The following ADGRG6 variants were observed in gnomAD, a reference collection of about 807,000 sequenced individuals.
ADGRG6 encodes adhesion G protein-coupled receptor G6.
Under a neutral mutation model 142.4 loss-of-function variants are expected in ADGRG6, and 84 were observed. The observed-to-expected ratio is 0.59, with a 90% confidence interval of 0.49 to 0.71. The LOEUF (loss-of-function observed/expected upper bound fraction) is 0.71. Among genes scored for constraint, ADGRG6 ranks in the 30% least tolerant of loss-of-function variants. The pLI is 0.00. For synonymous variants in ADGRG6, 521 were observed against 520.5 expected (o/e 1.00, Z -0.01); for missense variants, 1,367 against 1,466.6 (o/e 0.93, Z 1.11).
chr6:142,403,302 T>G (rs1329707), intron 13 of ADGRG6, among the ~76,000 whole-genome samples: 1 of 151,934 alleles, frequency 6.6e-6, no homozygotes, highest in Non-Finnish European at 1.5e-5. Flanking sequence ...ATTTAATGTA[T>G]TAATATTAAA....
intron 2 of ADGRG6, among the ~76,000 whole-genome samples, 193 bp downstream of exon 2, chr6:142,309,837 C>G (rs1777680265): frequency 1.4e-5 from 2 of 145,546 alleles, no homozygotes; most frequent in South Asian, 4.3e-4. Context: ...AATACTGTTT[C>G]TTTGATCATT....
At chr6:142,429,777 T>G (rs956988471) in intron 22 of ADGRG6, among the ~76,000 whole-genome samples, 1 of 152,090 alleles carries the variant, frequency 6.6e-6, no homozygotes, top group African/African-American at 2.4e-5. Flanking sequence ...ACTGATCAGG[T>G]GTAGTGGCTC....
At chr6:142,397,811 A>C in intron 10 of ADGRG6, 56 bp downstream of exon 10, 1 of 1,120,708 alleles carries the variant, frequency 8.9e-7, no homozygotes, top group Non-Finnish European at 1.2e-6. Context: ...ATTCAGGTTT[A>C]CTTGAAACAA....
chr6:142,379,545 A>G (rs1447921151), intron 4 of ADGRG6, among the ~76,000 whole-genome samples: 1 of 152,158 alleles, frequency 6.6e-6, no homozygotes, highest in East Asian at 1.9e-4. Context: ...AGGCGGGCGG[A>G]TCACGAGGTC....
intron 2 of ADGRG6, among the ~76,000 whole-genome samples, chr6:142,316,780 T>C (rs1430212600): frequency 1.3e-5 from 2 of 152,064 alleles, no homozygotes; most frequent in Non-Finnish European, 2.9e-5. Context: ...GCTAGACTTT[T>C]AGAGATAATT....
At chr6:142,342,787 T>G (rs1046586933) in intron 2 of ADGRG6, among the ~76,000 whole-genome samples, 1 of 152,048 alleles carries the variant, frequency 6.6e-6, no homozygotes, top group Non-Finnish European at 1.5e-5. Context: ...AAATCATTAC[T>G]TCTGTAGGTA....
At position 142,437,403 on chromosome 6, in the gene ADGRG6, G is replaced by C. The variant is rs201579465; in HGVS notation, c.3320-31G>C. On this transcript the variant is annotated intron_variant, in intron 22 of 24. Transcript: ENST00000367609. ...TTTCTCTTTAAAGATGTGTCAGTTG[G>C]CTTAAATATTTATATTTTCTTTTGT... The C allele has an allele frequency of 1.5e-5, 15 of 1,001,444 alleles. No individual in the cohort carries two copies. In the Middle Eastern group the frequency reaches 8.3e-4, roughly 56 times the overall value. The allele number at this position is 1,001,444 out of a possible 1,614,324, so 62.0% of individuals were successfully genotyped here.
At chr6:142,307,662 G>A (rs967487274) in intron 1 of ADGRG6, among the ~76,000 whole-genome samples, 3 of 151,928 alleles carry the variant, frequency 2.0e-5, no homozygotes, top group African/African-American at 7.3e-5. Flanking sequence ...GGCACCAGGA[G>A]GTAAGTTGTT....
chr6:142,372,157 T>G (rs1781289983), intron 4 of ADGRG6, among the ~76,000 whole-genome samples: 1 of 152,222 alleles, frequency 6.6e-6, no homozygotes, highest in South Asian at 2.1e-4. Flanking sequence ...CCACCTAATA[T>G]TCTCCATTTA....
intron 3 of ADGRG6, among the ~76,000 whole-genome samples, chr6:142,368,623 A>G (rs1177781749): frequency 1.6e-4 from 24 of 152,052 alleles, no homozygotes; most frequent in Admixed American, 1.3e-3. Context: ...TGATTTAGTT[A>G]TACTTTTTTT....
rs1778988624 is a variant in ADGRG6 at position 142,330,338 on chromosome 6, C to T, written c.103+20694C>T. Among the ~76,000 whole-genome samples, 4 of 150,980 alleles carry T rather than the reference C, an allele frequency of 2.6e-5. No individual in the cohort carries two copies. In the South Asian group the frequency reaches 8.4e-4, roughly 32 times the overall value. On this transcript the variant is annotated intron_variant, in intron 2 of 24. Transcript: ENST00000367609. Reference sequence around the variant, plus strand: ...ACCTGCACATGTACTCCTGAACTTACAAGTTAAAAAAAAATGAAATAAAAT... The same window carrying T: ...ACCTGCACATGTACTCCTGAACTTATAAGTTAAAAAAAAATGAAATAAAAT...
At chr6:142,400,347 T>C (rs1420586105) in intron 10 of ADGRG6, 138 bp from the exon 11 acceptor site, 2 of 552,942 alleles carry the variant, frequency 3.6e-6, no homozygotes, top group African/African-American at 3.8e-5. Flanking sequence ...ATTCTGAAGA[T>C]AAACACTAAT....
chr6:142,381,895 G>A, intron 4 of ADGRG6, 56 bp from the exon 5 acceptor site: 1 of 1,079,490 alleles, frequency 9.3e-7, no homozygotes, highest in South Asian at 1.4e-5. Flanking sequence ...TGATTTTTCT[G>A]GATAATATCA....
In ADGRG6 at chr6:142,349,341, C is replaced by T. The variant is rs531730321; in HGVS notation, c.104-18228C>T. Among the ~76,000 whole-genome samples, 11 of 152,306 alleles carry T rather than the reference C, an allele frequency of 7.2e-5. No individual in the cohort carries two copies. In the East Asian group the frequency reaches 2.1e-3, roughly 29 times the overall value. On this transcript the variant is annotated intron_variant, in intron 2 of 24. Coordinates refer to ENST00000367609, the MANE Select transcript of ADGRG6 (RefSeq NM_198569.3). ...AGAATGGGGCAGAGGAAGAAGTTGG[C>T]CTGTGGCACAGTCCCAACAGCGGCC...
intron 3 of ADGRG6, among the ~76,000 whole-genome samples, chr6:142,368,814 A>G (rs1562343037): frequency 6.6e-6 from 1 of 152,196 alleles, no homozygotes; most frequent in Non-Finnish European, 1.5e-5. Context: ...TAAAAATGAT[A>G]AAATATAGGA....
intron 11 of ADGRG6, among the ~76,000 whole-genome samples, chr6:142,401,443 C>A (rs1198942687): frequency 6.6e-6 from 1 of 152,112 alleles, no homozygotes; most frequent in Non-Finnish European, 1.5e-5. Flanking sequence ...GCCAATGTAT[C>A]CTAGGTTAGG....
chr6:142,321,533 C>T (rs1024406785), intron 2 of ADGRG6, among the ~76,000 whole-genome samples: 1 of 151,806 alleles, frequency 6.6e-6, no homozygotes, highest in Non-Finnish European at 1.5e-5. Flanking sequence ...GAATGAACTA[C>T]CTATGTATGC....
chr6:142,302,236 TG>T lies in ADGRG6; in HGVS notation c.-91del. 6.7e-7 allele frequency: 1 copy of T among 1,482,316 alleles called. No individual in the cohort carries two copies. Among genetic ancestry groups the T allele is most frequent in the Admixed American group, 1.9e-5 (1 of 51,802 alleles). 91.8% of individuals were successfully genotyped at this position (1,482,316 alleles called of 1,614,324 possible). On this transcript the variant is annotated 5_prime_UTR_variant, in exon 1 of 25. Transcript: ENST00000367609. ...CGCCGCGGCGCAGGGCTGGGGCGCC[TG>T]GGTTCCCCCTGGGTGGAGCAGCGGC...
intron 8 of ADGRG6, among the ~76,000 whole-genome samples, chr6:142,393,526 A>T (rs890353217): frequency 6.6e-5 from 10 of 152,144 alleles, no homozygotes; most frequent in African/African-American, 2.4e-4. Context: ...CTATACCTGA[A>T]CTAGTTTTCT....
Sources: allele counts gnomAD v4.1 joint callset (sites outside exome capture counted in the v4.1 genomes callset), GRCh38; gene constraint gnomAD v4.1.1; transcripts MANE v1.5; gene names NCBI Gene and HGNC (gene_info 2026-07-23, HGNC 2026-07-21).